WIPF3: variants seen among roughly 807,000 people sequenced by gnomAD.
The protein encoded by WIPF3 is WAS/WASL-interacting protein family member 3.
A neutral mutation model predicts 38.9 loss-of-function variants in WIPF3; 33 were observed. The observed-to-expected ratio is 0.85, with a 90% CI of 0.64 to 1.14. WIPF3 has a LOEUF of 1.14. Among genes scored for constraint, WIPF3 ranks in the 50% most tolerant of loss-of-function variants. WIPF3 has a pLI of 0.00. For synonymous variants in WIPF3, 324 were observed against 269.3 expected, an observed-to-expected ratio of 1.20 and a Z score of -1.99; for missense variants, 711 against 652.5, an observed-to-expected ratio of 1.09 and a Z score of -0.98.
intron 2 of WIPF3, among the ~76,000 whole-genome samples, chr7:29,866,885 G>A (rs1044079210): frequency 2.0e-5 from 3 of 152,208 alleles, no homozygotes; most frequent in African/African-American, 7.2e-5. Context: ...TATTTCCTGG[G>A]TATAAGAGGC....
intron 2 of WIPF3, among the ~76,000 whole-genome samples, chr7:29,858,679 C>T (rs1046796339): frequency 1.3e-5 from 2 of 152,200 alleles, no homozygotes; most frequent in Non-Finnish European, 2.9e-5. Context: ...GCTGTCGTGA[C>T]CTTCCACTTA....
intron 8 of WIPF3, among the ~76,000 whole-genome samples, chr7:29,910,895 T>C (rs1464388206): frequency 6.6e-6 from 1 of 152,084 alleles, no homozygotes; most frequent in East Asian, 1.9e-4. Context: ...CTATTCAACA[T>C]AGTACTGGAA....
chr7:29,910,381 T>C (rs1786483521), intron 8 of WIPF3, among the ~76,000 whole-genome samples: 2 of 152,168 alleles, frequency 1.3e-5, no homozygotes, highest in Admixed American at 6.5e-5. Context: ...CTCTAAAAGC[T>C]TTCCAAAAAA....
rs781401956 is a variant in WIPF3 at position 29,875,868 on chromosome 7, G to A, written c.129G>A (p.Pro43=). 48 of 1,613,932 alleles carry A rather than the reference G, an allele frequency of 3.0e-5. No individual in the cohort carries two copies. The highest frequency in any genetic ancestry group is 3.7e-5 in the Non-Finnish European group (44 of 1,179,888). Residue 43 remains proline, a synonymous_variant, in exon 3 of 9, where the codon CCG becomes CCA. Coordinates refer to ENST00000242140, the MANE Select transcript of WIPF3 (RefSeq NM_001080529.3). ...TDTSSLRRAD[P]KGRSALLADI... ...CCTCCAGCTTGCGAAGGGCAGATCC[G>A]AAAGGCCGGAGTGCGCTGTTGGCTG...
rs537377764 is a variant in WIPF3 at position 29,889,262 on chromosome 7, A to G, written c.1250-44A>G. ...CCTGGAAATGATCAAAACTTGGATC[A>G]TGACAGTAACCTGAGTAACTCTTTC... is the stretch of plus-strand genomic sequence containing the variant. On this transcript the variant is annotated intron_variant, in intron 6 of 8. Coordinates refer to ENST00000242140, the MANE Select transcript of WIPF3 (RefSeq NM_001080529.3). The G allele has an allele frequency of 3.4e-5, 52 of 1,524,496 alleles. 1 individual carries two copies. The South Asian group carries it at 5.4e-4, about 16-fold the overall frequency. The allele number at this position is 1,524,496 out of a possible 1,614,324, so 94.4% of individuals were successfully genotyped here.
intron 1 of WIPF3, among the ~76,000 whole-genome samples, chr7:29,830,577 G>A (rs967588174): frequency 2.7e-5 from 4 of 147,932 alleles, no homozygotes; most frequent in African/African-American, 7.5e-5. Context: ...CCGAGATCAC[G>A]CCGCTGCACT....
intron 1 of WIPF3, among the ~76,000 whole-genome samples, chr7:29,829,498 C>T (rs555598393): frequency 1.8e-4 from 27 of 152,212 alleles, no homozygotes; most frequent in African/African-American, 3.6e-4. Context: ...GGATTACAGG[C>T]GTGAGCCACC....
At chr7:29,913,524 G>C (rs1171885397) in intron 8 of WIPF3, among the ~76,000 whole-genome samples, 3 of 152,000 alleles carry the variant, frequency 2.0e-5, no homozygotes, top group African/African-American at 4.8e-5. Flanking sequence ...TATTATTCCC[G>C]TGACCAGGAA....
intron 7 of WIPF3, among the ~76,000 whole-genome samples, chr7:29,898,799 C>T (rs1180124180): frequency 6.6e-6 from 1 of 152,116 alleles, no homozygotes; most frequent in African/African-American, 2.4e-5. Context: ...TTCTTTTCTA[C>T]CTAAATATAC....
intron 7 of WIPF3, among the ~76,000 whole-genome samples, chr7:29,889,853 C>T (rs1380371678): frequency 1.3e-5 from 2 of 152,184 alleles, no homozygotes; most frequent in African/African-American, 4.8e-5. Context: ...TTAGAATGAC[C>T]TAAGGAGCTT....
intron 4 of WIPF3, among the ~76,000 whole-genome samples, chr7:29,881,135 C>T (rs920216765): frequency 3.3e-5 from 5 of 152,172 alleles, no homozygotes; most frequent in African/African-American, 7.2e-5. Flanking sequence ...TCAAAGTGTC[C>T]GTGAGGTCTT....
intron 1 of WIPF3, among the ~76,000 whole-genome samples, chr7:29,825,104 C>G (rs979971109): frequency 6.6e-6 from 1 of 152,126 alleles, no homozygotes; most frequent in Non-Finnish European, 1.5e-5. Flanking sequence ...AAACACCATT[C>G]GTATAAAATC....
At chr7:29,825,789 G>C (rs1784607331) in intron 1 of WIPF3, among the ~76,000 whole-genome samples, 1 of 152,146 alleles carries the variant, frequency 6.6e-6, no homozygotes. Context: ...TACATAGTAG[G>C]TTTCATATTA....
chr7:29,881,754 A>G (rs1313033156), intron 4 of WIPF3, among the ~76,000 whole-genome samples: 1 of 152,222 alleles, frequency 6.6e-6, no homozygotes, highest in Non-Finnish European at 1.5e-5. Flanking sequence ...GAACATTCAG[A>G]TTTGAGGAAG....
intron 7 of WIPF3, among the ~76,000 whole-genome samples, chr7:29,901,543 C>T (rs1256034732): frequency 2.6e-5 from 4 of 151,862 alleles, no homozygotes; most frequent in Non-Finnish European, 5.9e-5. Context: ...ATAATCCCGA[C>T]ACTTTGGGAG....
At chr7:29,867,964 G>A (rs547305497) in intron 2 of WIPF3, among the ~76,000 whole-genome samples, 1 of 152,298 alleles carries the variant, frequency 6.6e-6, no homozygotes, top group Admixed American at 6.5e-5. Context: ...ACTGGTAAGA[G>A]AAAGTGGAGT....
rs539826137 is a variant in WIPF3, at chr7:29,828,157, C to T, written c.-57-6511C>T. On this transcript the variant is annotated intron_variant, in intron 1 of 8. Transcript: ENST00000242140. ...TCTTGCTTATATTTAAAAACATAAG[C>T]ACACTTTCTGTGTGTGAACAGCTGT... 9.9e-5 allele frequency among the ~76,000 whole-genome samples: 15 copies of T among 152,220 alleles called. No homozygotes were observed. In the East Asian group the frequency reaches 2.1e-3, roughly 22 times the overall value.
intron 3 of WIPF3, among the ~76,000 whole-genome samples, chr7:29,876,754 G>T (rs530269124): frequency 1.3e-5 from 2 of 152,274 alleles, no homozygotes; most frequent in Admixed American, 6.5e-5. Context: ...GATTTATTAA[G>T]AATTCTGTTT....
chr7:29,879,046 A>T lies in WIPF3; in HGVS notation c.261A>T (p.Ala87=). 6.2e-7 allele frequency: 1 copy of T among 1,604,992 alleles called. No individual in the cohort carries two copies. Among genetic ancestry groups the T allele is most frequent in the Non-Finnish European group, 8.5e-7 (1 of 1,175,048 alleles). The change falls in exon 4 of 9, where the codon GCA becomes GCT. Residue 87 remains alanine (A), a synonymous_variant. Transcript: ENST00000242140. ...CCAACAAAGAAGGAGGAGGTTCTGC[A>T]AACACACGAGGCGCGAGCACACCTC... is the stretch of plus-strand genomic sequence containing the variant. ...KGTNKEGGGS[A]NTRGASTPPT...
Sources: allele counts gnomAD v4.1 joint callset (sites outside exome capture counted in the v4.1 genomes callset), GRCh38; gene constraint gnomAD v4.1.1; transcripts MANE v1.5; gene names NCBI Gene and HGNC (gene_info 2026-07-23, HGNC 2026-07-21).